Variants in AKAP13 observed in about 807,000 individuals in gnomAD.
AKAP13 encodes the protein A-kinase anchoring protein 13, also known as A-kinase anchor protein 13.
In AKAP13, 80 loss-of-function variants were observed where a neutral mutation model predicts 264.5. The ratio of observed to expected loss-of-function variants is 0.30; its 90% CI spans 0.25 to 0.36. The LOEUF is 0.36. Among genes scored for constraint, AKAP13 ranks in the 10% least tolerant of loss-of-function variants. The probability of loss-of-function intolerance (pLI) is 1.00; values close to 1 mark genes in which losing one functional copy is unlikely to be tolerated. For missense variants in AKAP13, 3,712 were observed against 3,435.2 expected, an observed-to-expected ratio of 1.08 and a Z score of -2.01; for synonymous variants, 1,380 against 1,250.2, an observed-to-expected ratio of 1.10 and a Z score of -2.19.
At chr15:85,598,954 T>C (rs1240406563) in intron 8 of AKAP13, among the ~76,000 whole-genome samples, 1 of 152,248 alleles carries the variant, frequency 6.6e-6, no homozygotes, top group Non-Finnish European at 1.5e-5. Flanking sequence ...TGTATCATGA[T>C]TGTTTTGCTA....
chr15:85,586,195 C>G (rs1190752276), intron 8 of AKAP13, among the ~76,000 whole-genome samples: 1 of 143,848 alleles, frequency 7.0e-6, no homozygotes, highest in Non-Finnish European at 1.5e-5. Flanking sequence ...TTTTCTTTTT[C>G]TTTTTTTTTT....
At chr15:85,609,963 T>C (rs1283241392) in intron 8 of AKAP13, among the ~76,000 whole-genome samples, 2 of 152,240 alleles carry the variant, frequency 1.3e-5, no homozygotes, top group Non-Finnish European at 2.9e-5. Flanking sequence ...AGCTGTCTTG[T>C]GTTTGTGTTT....
At chr15:85,490,392 C>T (rs1490438253) in intron 2 of AKAP13, among the ~76,000 whole-genome samples, 3 of 152,140 alleles carry the variant, frequency 2.0e-5, no homozygotes, top group Non-Finnish European at 4.4e-5. Context: ...GTATCCTGTT[C>T]ATAGGTGGAG....
intron 1 of AKAP13, among the ~76,000 whole-genome samples, chr15:85,383,882 G>T (rs1471545176): frequency 1.3e-5 from 2 of 152,216 alleles, no homozygotes; most frequent in Non-Finnish European, 2.9e-5. Context: ...GAGCTGGACT[G>T]GGTGTTAACA....
At chr15:85,676,797 A>G (rs923658597) in intron 14 of AKAP13, among the ~76,000 whole-genome samples, 1 of 152,222 alleles carries the variant, frequency 6.6e-6, no homozygotes, top group African/African-American at 2.4e-5. Context: ...TAGAAACTGC[A>G]TTAGAATTCT....
chr15:85,411,349 A>G (rs1348857141), intron 1 of AKAP13, among the ~76,000 whole-genome samples: 2 of 152,216 alleles, frequency 1.3e-5, no homozygotes, highest in Non-Finnish European at 2.9e-5. Flanking sequence ...TGTGGGAAGA[A>G]AAGGGAAATA....
rs553159911 is a variant in AKAP13 at position 85,718,908 on chromosome 15, A to C, written c.6002-168A>C. The C allele has an allele frequency of 6.8e-5, 65 of 954,092 alleles. 1 individual carries two copies. The highest frequency in any genetic ancestry group is 4.7e-4 in the East Asian group (17 of 36,426). The allele number at this position is 954,092 out of a possible 1,614,324, so 59.1% of individuals were successfully genotyped here. ...AGCCAGAACCTGTCTTAAAAAAAAA[A>C]CAAAAAAACAAAAAAACGAGAACAC... is the stretch of plus-strand genomic sequence containing the variant. On this transcript the variant is annotated intron_variant, in intron 22 of 36. Coordinates refer to ENST00000394518, the MANE Select transcript of AKAP13 (RefSeq NM_007200.5). The surrounding 1 kb of genome is among the most constrained non-coding windows in gnomAD (Gnocchi z 4.9).
At chr15:85,590,631 T>C (rs186907214) in intron 8 of AKAP13, among the ~76,000 whole-genome samples, 68 of 152,376 alleles carry the variant, frequency 4.5e-4, no homozygotes, top group African/African-American at 1.6e-3. Context: ...TATTTCTTTA[T>C]TGGGGTGAAA....
chr15:85,645,073 TC>T (rs1217359382), intron 9 of AKAP13, among the ~76,000 whole-genome samples: 1 of 152,178 alleles, frequency 6.6e-6, no homozygotes, highest in Non-Finnish European at 1.5e-5. Flanking sequence ...TGAGCTGAGA[TC>T]ATGTCACCGT....
chr15:85,400,894 G>A (rs962930783), intron 1 of AKAP13, among the ~76,000 whole-genome samples: 2 of 148,512 alleles, frequency 1.3e-5, no homozygotes, highest in Non-Finnish European at 3.0e-5. Flanking sequence ...TTTAAACAGA[G>A]TATGTTGCTC....
chr15:85,727,610 A>G lies in AKAP13; in HGVS notation c.7087+147A>G, dbSNP rs190702596. On this transcript the variant is annotated intron_variant, in intron 29 of 36. Coordinates refer to ENST00000394518, the MANE Select transcript of AKAP13 (RefSeq NM_007200.5). The surrounding 1 kb of genome is among the most constrained non-coding windows in gnomAD (Gnocchi z 5.3). ...AAAGCAGCAAAATGAATAGCTGTTA[A>G]CAAAAGAGAAACCAAGGCCAGGCTG... 1.5e-4 allele frequency: 120 copies of G among 783,720 alleles called. No homozygotes were observed. The Admixed American group carries it at 3.2e-3, about 21-fold the overall frequency. The allele number at this position is 783,720 out of a possible 1,614,324, so 48.5% of individuals were successfully genotyped here.
intron 2 of AKAP13, among the ~76,000 whole-genome samples, chr15:85,502,422 T>C (rs2076060929): frequency 6.6e-6 from 1 of 152,264 alleles, no homozygotes; most frequent in African/African-American, 2.4e-5. Context: ...CAGTTAAGTA[T>C]GTCATTCCTA....
At chr15:85,448,509 T>A (rs1212822091) in intron 1 of AKAP13, among the ~76,000 whole-genome samples, 1 of 152,218 alleles carries the variant, frequency 6.6e-6, no homozygotes, top group Non-Finnish European at 1.5e-5. Flanking sequence ...GTTTTACATT[T>A]AAGTCTTTAA....
At chr15:85,633,535 CTT>C (rs56687591) in intron 8 of AKAP13, among the ~76,000 whole-genome samples, 229 of 97,672 alleles carry the variant, frequency 2.3e-3, no homozygotes, top group East Asian at 5.9e-3. Flanking sequence ...CTTTTTTTTT[CTT>C]TTTTTTTTTT....
In AKAP13 at chr15:85,700,501, A is replaced by G. The variant is rs191316503; in HGVS notation, c.5464+7050A>G. 3.4e-4 allele frequency among the ~76,000 whole-genome samples: 52 copies of G among 152,266 alleles called. 2 individuals are homozygous for G. The highest frequency in any genetic ancestry group is 1.2e-3 in the African/African-American group (51 of 41,540). ...ATGCCAGAGGTACCCGTGGAGAATC[A>G]CTTGTGTAGGGTTTGGTATTGACTG... On this transcript the variant is annotated intron_variant, in intron 17 of 36. Coordinates refer to ENST00000394518, the MANE Select transcript of AKAP13 (RefSeq NM_007200.5).
At chr15:85,531,578 C>T (rs1429897985) in intron 3 of AKAP13, among the ~76,000 whole-genome samples, 2 of 152,186 alleles carry the variant, frequency 1.3e-5, no homozygotes, top group Non-Finnish European at 2.9e-5. Context: ...AGGCTGGCTG[C>T]CCTTCAAAGA....
At chr15:85,518,503 CTTAATA>C (rs1462115923) in intron 2 of AKAP13, among the ~76,000 whole-genome samples, 1 of 152,112 alleles carries the variant, frequency 6.6e-6, no homozygotes, top group African/African-American at 2.4e-5. Context: ...GGTAGTGTGA[CTTAATA>C]TTAAAAACAA....
Position 85,744,850 on chromosome 15 carries a change from G to A in AKAP13, c.*173G>A. 1.8e-6 allele frequency: 1 copy of A among 561,376 alleles called. No individual in the cohort carries two copies. The highest frequency in any genetic ancestry group is 3.1e-6 in the Non-Finnish European group (1 of 327,816). 34.8% of individuals were successfully genotyped at this position (561,376 alleles called of 1,614,324 possible). A position where few individuals can be genotyped will look rare whatever the true frequency, so the allele number is the denominator to read the frequency against. On this transcript the variant is annotated 3_prime_UTR_variant, in exon 37 of 37. Coordinates refer to ENST00000394518, the MANE Select transcript of AKAP13 (RefSeq NM_007200.5). ...AGCAACAGATGATATTGAGTGTCGG[G>A]TGGGGAAGGAGGCCCAGACTCTGCT...
At position 85,741,307 on chromosome 15, in the gene AKAP13, G is replaced by A; in HGVS notation, c.7870G>A (p.Glu2624Lys). Residue 2624 changes from glutamate (E) to lysine (K), a missense_variant, in exon 35 of 37, where the codon GAG (glutamate) becomes AAG (lysine). By Grantham distance (56) the Glu-to-Lys change is moderately conservative. Coordinates refer to ENST00000394518, the MANE Select transcript of AKAP13 (RefSeq NM_007200.5). ...GGAGGCCCTCCTGGCCCAGCGCGAG[G>A]AGGAGGTGCAGCAGGGGCAGCAGGA... ...EREALLAQRE[E>K]EVQQGQQDLE... 1 of 1,612,746 alleles carries A rather than the reference G, an allele frequency of 6.2e-7. No homozygotes were observed. The highest frequency in any genetic ancestry group is 8.5e-7 in the Non-Finnish European group (1 of 1,179,478).
Sources: allele counts gnomAD v4.1 joint callset (sites outside exome capture counted in the v4.1 genomes callset), GRCh38; gene constraint gnomAD v4.1.1; non-coding constraint Gnocchi (gnomAD v3.1); transcripts MANE v1.5; gene names NCBI Gene and HGNC (gene_info 2026-07-23, HGNC 2026-07-21).